Variants in TENM2 observed in about 807,000 individuals in gnomAD.
The protein encoded by TENM2 is teneurin transmembrane protein 2, also known as teneurin-2.
Under a neutral mutation model 245.2 loss-of-function variants are expected in TENM2, and 52 were observed. The observed-to-expected ratio is 0.21, with a 90% confidence interval of 0.17 to 0.27. The LOEUF is 0.27. Ranked by LOEUF, TENM2 falls within the 10% of genes least tolerant of loss-of-function variation. TENM2 has a pLI of 1.00. For synonymous variants in TENM2, 1,363 were observed against 1,438.9 expected (o/e 0.95, Z 1.19); for missense variants, 3,046 against 3,666.8 (o/e 0.83, Z 4.37).
At chr5:167,242,039 G>GTTTTTTTT in the TENM2 span, among the ~76,000 whole-genome samples, 1 of 140,190 alleles carries the variant, frequency 7.1e-6, no homozygotes, top group Non-Finnish European at 1.6e-5. Context: ...TTCTTTTTTT[G>GTTTTTTTT]TTTTTTGTTT....
exon 3 of TENM2, chr5:167,876,153 C>T: frequency 1.3e-6 from 2 of 1,551,610 alleles, no homozygotes; most frequent in Non-Finnish European, 1.7e-6. Flanking sequence ...CAATTCATAC[C>T]TGCTCAGAGC....
chr5:167,945,925 C>T (rs749053461), intron 3 of TENM2, among the ~76,000 whole-genome samples: 4 of 152,118 alleles, frequency 2.6e-5, no homozygotes, highest in Admixed American at 1.3e-4. Flanking sequence ...TGACTCACTC[C>T]TTCATCCCCC....
intron 2 of TENM2, among the ~76,000 whole-genome samples, chr5:167,583,934 G>A (rs572302529): frequency 2.0e-5 from 3 of 152,070 alleles, no homozygotes; most frequent in African/African-American, 4.8e-5. Flanking sequence ...TCTTTAGGCC[G>A]AACATTAAAT....
the TENM2 span, among the ~76,000 whole-genome samples, chr5:167,213,743 T>C: frequency 2.6e-5 from 4 of 152,114 alleles, no homozygotes; most frequent in Non-Finnish European, 4.4e-5. Flanking sequence ...ATTGAGAAAA[T>C]TAAAAGTGTA....
intron 2 of TENM2, among the ~76,000 whole-genome samples, chr5:167,733,983 T>C (rs1760621218): frequency 6.6e-6 from 1 of 151,882 alleles, no homozygotes; most frequent in African/African-American, 2.4e-5. Flanking sequence ...TACTAAGGAG[T>C]GTAGTGAGAT....
In TENM2 at chr5:168,218,853, C is replaced by T. The variant is rs765778420; in HGVS notation, c.4962C>T (p.Asn1654=). Residue 1654 remains asparagine (N), a synonymous_variant, in exon 23 of 29, where the codon AAC becomes AAT. Coordinates refer to ENST00000518659, the Ensembl canonical transcript of TENM2. This position sits in a 1 kb window ranked among gnomAD's most constrained non-coding sequence, Gnocchi z 5.2. ...CCCGTCACCTGCTCATGCCTGACAA[C>T]CAGATCATCACCCTCACCGTGGGCA... 6.2e-7 allele frequency: 1 copy of T among 1,613,996 alleles called. No individual in the cohort carries two copies. The highest frequency in any genetic ancestry group is 1.7e-5 in the Admixed American group (1 of 60,024).
chr5:168,156,251 A>AAAAAAC (rs1554210124), intron 12 of TENM2, among the ~76,000 whole-genome samples: 1 of 149,180 alleles, frequency 6.7e-6, no homozygotes, highest in African/African-American at 2.5e-5. Context: ...CATAGTTAAA[A>AAAAAAC]AAAAAAAAAA....
chr5:167,126,220 A>C, the TENM2 span, among the ~76,000 whole-genome samples: 2 of 152,124 alleles, frequency 1.3e-5, no homozygotes, highest in African/African-American at 4.8e-5. Context: ...CATAGATATG[A>C]GGATAGAGCG....
At chr5:167,641,096 G>C (rs1355962501) in intron 2 of TENM2, among the ~76,000 whole-genome samples, 1 of 151,070 alleles carries the variant, frequency 6.6e-6, no homozygotes, top group East Asian at 1.9e-4. Context: ...ACTCAAGTTT[G>C]AGAACTTTTG....
At chr5:168,259,378 G>C (rs896337031) in intron 27 of TENM2, among the ~76,000 whole-genome samples, 1 of 151,884 alleles carries the variant, frequency 6.6e-6, no homozygotes, top group Admixed American at 6.6e-5. Context: ...ACCTGAGGTC[G>C]GGAGTTCGAA....
intron 1 of TENM2, among the ~76,000 whole-genome samples, chr5:167,285,633 TATA>T (rs753620020): frequency 1.8e-4 from 28 of 152,224 alleles, no homozygotes; most frequent in Admixed American, 5.9e-4. Context: ...GTCCAATATT[TATA>T]AAGAGTTCTG....
intron 1 of TENM2, among the ~76,000 whole-genome samples, chr5:167,306,762 A>G (rs1180124436): frequency 6.6e-6 from 1 of 152,188 alleles, no homozygotes; most frequent in East Asian, 1.9e-4. Flanking sequence ...CGTTTTCCCA[A>G]TTCTGTAACA....
chr5:167,636,664 T>C (rs1002232843), intron 2 of TENM2, among the ~76,000 whole-genome samples: 3 of 152,256 alleles, frequency 2.0e-5, no homozygotes, highest in Non-Finnish European at 2.9e-5. Context: ...ACCACAGTCA[T>C]GTATGTCAGC....
At chr5:167,939,990 G>C (rs996452936) in intron 3 of TENM2, among the ~76,000 whole-genome samples, 1 of 152,176 alleles carries the variant, frequency 6.6e-6, no homozygotes, top group African/African-American at 2.4e-5. Flanking sequence ...GGAGGCCTCT[G>C]CTCCCATTAG....
At chr5:167,210,451 ATTTTTTT>A in the TENM2 span, among the ~76,000 whole-genome samples, 4 of 101,248 alleles carry the variant, frequency 4.0e-5, no homozygotes, top group East Asian at 2.5e-4. Flanking sequence ...TTTTCACTGC[ATTTTTTT>A]TTTTTTTTTT....
At chr5:167,947,662 C>T (rs914551857) in intron 3 of TENM2, among the ~76,000 whole-genome samples, 38 of 152,154 alleles carry the variant, frequency 2.5e-4, no homozygotes, top group African/African-American at 9.2e-4. Flanking sequence ...AAGTCTCTGC[C>T]AACACCATCT....
chr5:168,259,969 A>G (rs6889331), intron 27 of TENM2, among the ~76,000 whole-genome samples: 109,540 of 152,210 alleles, frequency 0.72, 40,495 homozygotes, highest in African/African-American at 0.84. Context: ...TGAGGAACCT[A>G]AGGCTCAGAG....
chr5:168,147,472 G>C (rs954158802), intron 12 of TENM2, among the ~76,000 whole-genome samples: 1 of 152,262 alleles, frequency 6.6e-6, no homozygotes, highest in South Asian at 2.1e-4. Flanking sequence ...AGCTTTCCCA[G>C]CCTTCTACTT....
chr5:167,027,622 T>C, the TENM2 span, among the ~76,000 whole-genome samples: 1 of 152,212 alleles, frequency 6.6e-6, no homozygotes, highest in Admixed American at 6.5e-5. Flanking sequence ...ACTAGAAATA[T>C]ATTTATTGAT....
Sources: gnomAD v4.1 joint callset for allele counts (sites outside exome capture counted in the v4.1 genomes callset) on GRCh38, gnomAD v4.1.1 for gene constraint, Gnocchi (gnomAD v3.1) non-coding constraint, MANE v1.5 for transcripts, NCBI Gene and HGNC (gene_info 2026-07-23, HGNC 2026-07-21) for gene names.